The following DEGS2 variants were observed in gnomAD, a reference collection of about 807,000 sequenced individuals.
The protein encoded by DEGS2 is sphingolipid delta(4)-desaturase/C4-monooxygenase DES2.
Under a neutral mutation model 23.8 loss-of-function variants are expected in DEGS2, and 19 were observed. That is an observed-to-expected ratio of 0.80 (90% confidence interval 0.56 to 1.17). The LOEUF (loss-of-function observed/expected upper bound fraction) is 1.17. DEGS2 is among the 50% of genes most tolerant of loss of function. DEGS2 has a pLI of 0.00. For missense variants in DEGS2, 390 were observed against 459.5 expected, an observed-to-expected ratio of 0.85 and a Z score of 1.38; for synonymous variants, 218 against 213.7, an observed-to-expected ratio of 1.02 and a Z score of -0.18.
chr14:100,158,128 G>A (rs1016614955), intron 1 of DEGS2, among the ~76,000 whole-genome samples: 1 of 151,244 alleles, frequency 6.6e-6, no homozygotes, highest in Non-Finnish European at 1.5e-5. Context: ...CAGGCCAGGC[G>A]TGGTGGCTCA....
intron 1 of DEGS2, among the ~76,000 whole-genome samples, chr14:100,152,918 G>A (rs1467860278): frequency 3.3e-5 from 5 of 150,300 alleles, no homozygotes; most frequent in Non-Finnish European, 5.9e-5. Flanking sequence ...AGAAGGAAGG[G>A]AGGGAGGGAG....
At chr14:100,161,459 G>A (rs1017213692), upstream of DEGS2, among the ~76,000 whole-genome samples, 4 of 152,190 alleles carry the variant, frequency 2.6e-5, no homozygotes, top group African/African-American at 4.8e-5. Context: ...CCAGCTTCAC[G>A]GTGTTGACGA....
intron 1 of DEGS2, among the ~76,000 whole-genome samples, chr14:100,150,402 G>A (rs935280422): frequency 5.0e-4 from 17 of 33,846 alleles, no homozygotes; most frequent in Non-Finnish European, 1.0e-3. Flanking sequence ...CCCCCGCCCC[G>A]CCCCCATTCC....
intron 2 of DEGS2, 62 bp downstream of exon 2, chr14:100,148,906 C>T (rs1026507409): frequency 2.3e-5 from 35 of 1,545,510 alleles, no homozygotes; most frequent in Non-Finnish European, 3.0e-5. Context: ...TCCAGGGCCC[C>T]CACCTCCTCC....
chr14:100,149,745 C>G (rs767209636), intron 1 of DEGS2, 35 bp from the exon 2 acceptor site: 3 of 1,555,424 alleles, frequency 1.9e-6, no homozygotes, highest in African/African-American at 2.7e-5. Context: ...AGGCCCCGCT[C>G]GGTGGGGCTG....
intron 1 of DEGS2, among the ~76,000 whole-genome samples, chr14:100,159,228 G>A (rs1044807176): frequency 6.6e-6 from 1 of 152,168 alleles, no homozygotes; most frequent in Admixed American, 6.5e-5. Flanking sequence ...CTGGCCCCGG[G>A]AGTGGCTCGC....
At chr14:100,147,891 C>G (rs764628700) in intron 2 of DEGS2, among the ~76,000 whole-genome samples, 13 of 151,940 alleles carry the variant, frequency 8.6e-5, no homozygotes, top group Non-Finnish European at 1.6e-4. Context: ...CGCCCCGTCA[C>G]CTCCTGAGGC....
intron 1 of DEGS2, among the ~76,000 whole-genome samples, chr14:100,158,266 C>T (rs1178272323): frequency 2.0e-5 from 3 of 152,012 alleles, no homozygotes; most frequent in Non-Finnish European, 4.4e-5. Flanking sequence ...AAAAAAATAG[C>T]CGGGCATAGT....
At chr14:100,147,258 A>C (rs1197471154) in intron 2 of DEGS2, among the ~76,000 whole-genome samples, 42 of 152,154 alleles carry the variant, frequency 2.8e-4, no homozygotes, top group Non-Finnish European at 5.9e-5. Flanking sequence ...CTCAGCTCAG[A>C]GCGCCTGCCC....
chr14:100,151,026 T>C (rs770651400), intron 1 of DEGS2, among the ~76,000 whole-genome samples: 145 of 150,822 alleles, frequency 9.6e-4, no homozygotes, highest in Non-Finnish European at 1.4e-3. Flanking sequence ...CTGGGCTGTT[T>C]CCAGTGTGGC....
intron 1 of DEGS2, among the ~76,000 whole-genome samples, chr14:100,154,117 C>T (rs1047931594): frequency 2.2e-4 from 33 of 152,200 alleles, no homozygotes; most frequent in African/African-American, 8.0e-4. Flanking sequence ...GTAATCCCAG[C>T]ACTTTGGGAG....
rs745581789 is a variant in DEGS2 at position 100,149,235 on chromosome 14, C to T, written c.558G>A (p.Glu186=). The T allele has an allele frequency of 5.6e-6, 9 of 1,612,698 alleles. No individual in the cohort carries two copies. The highest frequency in any genetic ancestry group is 1.3e-5 in the African/African-American group (1 of 74,946). ...CCAGCTGCACCAGCGTGTTGAGCAC[C>T]TCCATGCGGGTCACGGCCTTGGGGT... ...CVHPKAVTRM[E]VLNTLVQLAA... The change falls in exon 2 of 3, where the codon GAG becomes GAA. Residue 186 remains glutamate (E), a synonymous_variant. Transcript: ENST00000305631.
At chr14:100,162,320 C>G (rs1445693173), upstream of DEGS2, among the ~76,000 whole-genome samples, 1 of 151,760 alleles carries the variant, frequency 6.6e-6, no homozygotes, top group African/African-American at 2.4e-5. Flanking sequence ...CACTCCAGAG[C>G]CTGGGCAACA....
intron 2 of DEGS2, 28 bp from the exon 3 acceptor site, chr14:100,146,935 G>T: frequency 6.2e-7 from 1 of 1,602,560 alleles, no homozygotes; most frequent in East Asian, 2.2e-5. Flanking sequence ...GGGCTCAGGG[G>T]CTGGTTCTCC....
At chr14:100,147,658 G>GCCCCCCCCC (rs10709140) in intron 2 of DEGS2, among the ~76,000 whole-genome samples, 1 of 81,334 alleles carries the variant, frequency 1.2e-5, no homozygotes, top group Non-Finnish European at 2.5e-5. Context: ...TGCCCTCCCT[G>GCCCCCCCCC]CCCCCCCCCC....
chr14:100,150,977 A>ATCCAACAGGCATGCCCCT (rs1445077093), intron 1 of DEGS2, among the ~76,000 whole-genome samples: 10 of 152,254 alleles, frequency 6.6e-5, no homozygotes, highest in African/African-American at 2.4e-4. Context: ...GGGCTGGCCC[A>ATCCAACAGGCATGCCCCT]TCCAACAGGC....
intron 1 of DEGS2, among the ~76,000 whole-genome samples, chr14:100,150,052 GCCGT>G (rs1443563145): frequency 2.6e-5 from 4 of 152,234 alleles, no homozygotes; most frequent in Non-Finnish European, 5.9e-5. Flanking sequence ...GTGCCTTGAT[GCCGT>G]CTGTGTACTC....
At chr14:100,163,079 C>T (rs961949430), upstream of DEGS2, among the ~76,000 whole-genome samples, 1 of 152,180 alleles carries the variant, frequency 6.6e-6, no homozygotes, top group Non-Finnish European at 1.5e-5. Context: ...AAAGCAGACT[C>T]GATGGAGGAG....
chr14:100,160,515 A>G (rs1889734047), upstream of DEGS2, among the ~76,000 whole-genome samples: 1 of 152,224 alleles, frequency 6.6e-6, no homozygotes, highest in African/African-American at 2.4e-5. Context: ...GTAAGGGCAC[A>G]GGGCCCCTCA....
Sources: allele counts gnomAD v4.1 joint callset (sites outside exome capture counted in the v4.1 genomes callset), GRCh38; gene constraint gnomAD v4.1.1; transcripts MANE v1.5; gene names NCBI Gene and HGNC (gene_info 2026-07-23, HGNC 2026-07-21).